The following CDKL5 variants were observed in gnomAD, a reference collection of about 807,000 sequenced individuals.
CDKL5 encodes cyclin dependent kinase like 5.
Under a neutral mutation model 61.7 loss-of-function variants are expected in CDKL5, and 8 were observed. The observed-to-expected ratio is 0.13, with a 90% confidence interval of 0.08 to 0.23. The LOEUF is 0.23. Ranked by LOEUF, CDKL5 falls within the 10% of genes least tolerant of loss-of-function variation. CDKL5 has a pLI of 1.00. For synonymous variants in CDKL5, 275 were observed against 272.3 expected, an observed-to-expected ratio of 1.01 and a Z score of -0.10; for missense variants, 440 against 734.5, an observed-to-expected ratio of 0.60 and a Z score of 4.63.
At position 18,604,745 on chromosome X, in the gene CDKL5, T is replaced by G. The variant is rs1352220667; in HGVS notation, c.1821T>G (p.Arg607=). The change falls in exon 12 of 18, where the codon CGT becomes CGG. Residue 607 remains arginine (R), a synonymous_variant. Coordinates refer to ENST00000623535, the MANE Select transcript of CDKL5 (RefSeq NM_001323289.2). ...GYTSPFSSQQ[R]PHRHSMYVTR... is the part of the protein sequence containing the mutation. ...CCAGCCCCTTTTCTTCCCAGCAACG[T>G]CCTCATAGGCATTCTATGTATGTGA... is the stretch of plus-strand genomic sequence containing the variant. 4 of 1,211,694 alleles carry G rather than the reference T, an allele frequency of 3.3e-6. No homozygotes were observed. The highest frequency in any genetic ancestry group is 3.5e-5 in the South Asian group (2 of 56,949).
chrX:18,556,296 A>T (rs890647973), intron 3 of CDKL5, among the ~76,000 whole-genome samples: 2 of 111,700 alleles, frequency 1.8e-5, no homozygotes, highest in African/African-American at 6.5e-5. Context: ...CATTGGTGCT[A>T]ACATTTCTCT....
chrX:18,560,024 A>C (rs1286035796), intron 3 of CDKL5, among the ~76,000 whole-genome samples: 2 of 109,332 alleles, frequency 1.8e-5, no homozygotes, highest in East Asian at 5.8e-4. Flanking sequence ...TTCTTAATCC[A>C]GTCTATCATT....
intron 3 of CDKL5, among the ~76,000 whole-genome samples, chrX:18,537,152 C>G (rs781776525): frequency 5.4e-5 from 6 of 111,087 alleles, no homozygotes; most frequent in Non-Finnish European, 9.4e-5. Flanking sequence ...AACTCAGTCT[C>G]TTGGCTAAAT....
chrX:18,561,944 A>G (rs1056629809), intron 3 of CDKL5, among the ~76,000 whole-genome samples: 1 of 111,890 alleles, frequency 8.9e-6, no homozygotes, highest in South Asian at 3.7e-4. Context: ...ACAAAGGCCT[A>G]TATCAGTAAA....
chrX:18,644,491 T>C (rs2147191205), downstream of CDKL5: 1 of 1,211,564 alleles, frequency 8.3e-7, no homozygotes, highest in Non-Finnish European at 1.1e-6. Context: ...GGTCCTGTAC[T>C]GCACGCTGTA....
intron 3 of CDKL5, among the ~76,000 whole-genome samples, chrX:18,543,949 T>G (rs1274400812): frequency 2.7e-5 from 3 of 111,955 alleles, no homozygotes; most frequent in Non-Finnish European, 5.6e-5. Context: ...GAGGAAGTGG[T>G]CTAGTGCTTA....
rs1399622482 is a variant in CDKL5, at chrX:18,620,035, T to A, written c.2376+69T>A. 6 of 653,918 alleles carry A rather than the reference T, an allele frequency of 9.2e-6. No individual in the cohort carries two copies. In the East Asian group the frequency reaches 2.1e-4, roughly 23 times the overall value. 53.9% of individuals were successfully genotyped at this position (653,918 alleles called of 1,213,427 possible). A position where few individuals can be genotyped will look rare whatever the true frequency, so the allele number is the denominator to read the frequency against. ...ATTATTCAATGGATACTTTACACTT[T>A]GCACTTGGCAATCAAAGTTGATTGT... On this transcript the variant is annotated intron_variant, in intron 16 of 17. Transcript: ENST00000623535.
chrX:18,606,281 G>A (rs1926365250), intron 12 of CDKL5, among the ~76,000 whole-genome samples: 1 of 112,041 alleles, frequency 8.9e-6, no homozygotes. Context: ...AGAATAGAGA[G>A]AGGTCATTGT....
intron 14 of CDKL5, among the ~76,000 whole-genome samples, chrX:18,610,307 C>T (rs1209775257): frequency 8.9e-6 from 1 of 112,699 alleles, no homozygotes; most frequent in African/African-American, 3.2e-5. Flanking sequence ...TACTCTTCCT[C>T]CTGCTGGAAC....
chrX:18,642,766 G>A (rs1425732202), downstream of CDKL5, among the ~76,000 whole-genome samples: 3 of 112,266 alleles, frequency 2.7e-5, no homozygotes, highest in East Asian at 2.8e-4. Flanking sequence ...TTGGCCAGGC[G>A]CAGTGGCTCA....
intron 3 of CDKL5, among the ~76,000 whole-genome samples, chrX:18,542,410 G>C (rs929517083): frequency 3.6e-5 from 4 of 111,946 alleles, no homozygotes; most frequent in African/African-American, 1.3e-4. Context: ...AGTAGTTATT[G>C]TCTAAGGTCT....
chrX:18,595,326 T>C, intron 9 of CDKL5, 22 bp from the exon 10 acceptor site: 1 of 1,085,678 alleles, frequency 9.2e-7, no homozygotes, highest in Non-Finnish European at 1.3e-6. Flanking sequence ...ATGTTAACAT[T>C]CCCTTTGTGT....
chrX:18,556,711 T>G (rs1488435165), intron 3 of CDKL5, among the ~76,000 whole-genome samples: 1 of 110,201 alleles, frequency 9.1e-6, no homozygotes, highest in African/African-American at 3.3e-5. Context: ...GGCGAAACCC[T>G]GTCTCTACTA....
At chrX:18,650,345 C>A (rs1321141719) in intron 20 of CDKL5, 1 of 1,093,143 alleles carries the variant, frequency 9.1e-7, no homozygotes, top group Non-Finnish European at 1.3e-6. Flanking sequence ...CAGCTGGTGT[C>A]TGGGAGCCGA....
intron 1 of CDKL5, among the ~76,000 whole-genome samples, chrX:18,438,223 G>A (rs778985546): frequency 1.8e-5 from 2 of 109,661 alleles, no homozygotes; most frequent in Admixed American, 9.8e-5. Context: ...GTGCCCCCAC[G>A]CCCGGCTAAG....
rs781452978 is a variant in CDKL5 at position 18,575,509 on chromosome X, A to T, written c.282+19A>T. ...TGAAAAAGTAAGTCATTAATTGCCA[A>T]TGTGCACATTTGCCCGATTCTTTTA... On this transcript the variant is annotated intron_variant, in intron 5 of 17. Coordinates refer to ENST00000623535, the MANE Select transcript of CDKL5 (RefSeq NM_001323289.2). The T allele has an allele frequency of 8.4e-7, 1 of 1,193,447 alleles. No homozygotes were observed. The highest frequency in any genetic ancestry group is 1.1e-6 in the Non-Finnish European group (1 of 878,967).
chrX:18,567,754 G>A (rs1211506049), intron 4 of CDKL5, among the ~76,000 whole-genome samples: 2 of 111,476 alleles, frequency 1.8e-5, no homozygotes, highest in African/African-American at 3.3e-5. Context: ...GCATGGTGGT[G>A]TGTGCCTGTA....
intron 20 of CDKL5, chrX:18,647,796 G>A: frequency 7.3e-6 from 1 of 137,544 alleles, no homozygotes; most frequent in Non-Finnish European, 1.5e-5. Flanking sequence ...CCAATTATAG[G>A]GACAAAACCA....
rs996311554 is a variant in CDKL5 at position 18,499,665 on chromosome X, G to A, written c.-162-7270G>A. On this transcript the variant is annotated intron_variant, in intron 1 of 17. Coordinates refer to ENST00000623535, the MANE Select transcript of CDKL5 (RefSeq NM_001323289.2). Reference sequence around the variant, plus strand: ...ATTACAGGCGTGAGCCACTGCACCCGGCCAGTCTGGTTTTTATTGCATCAA... The same window carrying A: ...ATTACAGGCGTGAGCCACTGCACCCAGCCAGTCTGGTTTTTATTGCATCAA... 3.6e-5 allele frequency among the ~76,000 whole-genome samples: 4 copies of A among 111,785 alleles called. No individual in the cohort carries two copies. In the East Asian group the frequency reaches 8.4e-4, roughly 23 times the overall value.
Sources: gnomAD v4.1 joint callset for allele counts (sites outside exome capture counted in the v4.1 genomes callset) on GRCh38, gnomAD v4.1.1 for gene constraint, MANE v1.5 for transcripts, NCBI Gene and HGNC (gene_info 2026-07-23, HGNC 2026-07-21) for gene names.